Variants in CARD10 observed in about 807,000 individuals in gnomAD.
CARD10 encodes caspase recruitment domain-containing protein 10.
Under a neutral mutation model 114.6 loss-of-function variants are expected in CARD10, and 49 were observed. The ratio of observed to expected loss-of-function variants is 0.43; its 90% confidence interval spans 0.34 to 0.54. CARD10 has a LOEUF of 0.54. Among genes scored for constraint, CARD10 ranks in the 20% least tolerant of loss-of-function variants. The pLI, the probability that CARD10 is intolerant of heterozygous loss-of-function variation, is 0.03. For synonymous variants in CARD10, 602 were observed against 593.2 expected, an observed-to-expected ratio of 1.01 and a Z score of -0.21; for missense variants, 1,206 against 1,397.2, an observed-to-expected ratio of 0.86 and a Z score of 2.18.
intron 3 of CARD10, chr22:37,510,693 C>T: frequency 2.2e-6 from 1 of 464,470 alleles, no homozygotes; most frequent in Non-Finnish European, 3.9e-6. Context: ...TGCTGCATCA[C>T]GACACGCTGT....
intron 7 of CARD10, 123 bp downstream of exon 7, chr22:37,506,069 C>G: frequency 1.4e-6 from 1 of 735,844 alleles, no homozygotes; most frequent in Non-Finnish European, 2.0e-6. Flanking sequence ...TTCCCACTTC[C>G]CCCAAGCTTC....
intron 2 of CARD10, 63 bp downstream of exon 2, chr22:37,517,908 G>A: frequency 6.3e-7 from 1 of 1,579,664 alleles, no homozygotes; most frequent in Non-Finnish European, 8.6e-7. Flanking sequence ...CCCTAACAGG[G>A]ATGGGGAAAG....
At position 37,510,410 on chromosome 22, in the gene CARD10, G is replaced by C. The variant is rs118054868; in HGVS notation, c.711C>G (p.Leu237=). 6.2e-7 allele frequency: 1 copy of C among 1,613,642 alleles called. No homozygotes were observed. The highest frequency in any genetic ancestry group is 8.5e-7 in the Non-Finnish European group (1 of 1,179,976). The change falls in exon 4 of 20, where the codon CTC becomes CTG. Residue 237 remains leucine (L), a synonymous_variant. Coordinates refer to ENST00000251973, the MANE Select transcript of CARD10 (RefSeq NM_014550.4). ...SRDLQLAVDQ[L]KLKVSRLEEE... ...CCTCCAGCCGACTCACTTTGAGCTT[G>C]AGCTGATCCACCTGGAGCCCAAGAC...
chr22:37,516,074 G>C lies in CARD10; in HGVS notation c.598C>G (p.Leu200Val). 1.3e-6 allele frequency: 2 copies of C among 1,597,290 alleles called. No homozygotes were observed. Among genetic ancestry groups the C allele is most frequent in the Middle Eastern group, 1.8e-4 (1 of 5,434 alleles). Residue 200 changes from leucine to valine, a missense_variant, in exon 3 of 20, where the codon CTG (leucine) becomes GTG (valine). Transcript: ENST00000251973. ...EDWEAGSLEL[L>V]RLKDENYMIA... ...ATGTAGTTCTCATCCTTGAGCCGCA[G>C]CAGCTCCAGGCTGCCCGCCTCCCAG...
chr22:37,518,819 GT>G, intron 1 of CARD10, 146 bp downstream of exon 1: 1 of 967,770 alleles, frequency 1.0e-6, no homozygotes, highest in Non-Finnish European at 1.5e-6. Flanking sequence ...AGGCAGGCTG[GT>G]GGGCATACCC....
chr22:37,494,001 C>A (rs553872363), intron 16 of CARD10, 85 bp downstream of exon 16: 2 of 1,043,804 alleles, frequency 1.9e-6, no homozygotes, highest in African/African-American at 1.6e-5. Flanking sequence ...GCCAAAGAGG[C>A]CACCCAAGCT....
intron 3 of CARD10, chr22:37,512,319 G>A (rs1923680096): frequency 6.6e-6 from 1 of 152,272 alleles, no homozygotes; most frequent in Non-Finnish European, 1.5e-5. Context: ...GCCATAAAAT[G>A]AAGTCATTGT....
chr22:37,509,052 C>A, intron 4 of CARD10: 1 of 1,549,890 alleles, frequency 6.5e-7, no homozygotes. Flanking sequence ...CCTACTCCCA[C>A]CCCCATGACT....
intron 6 of CARD10, 104 bp downstream of exon 6, chr22:37,507,725 T>A: frequency 7.0e-7 from 1 of 1,420,538 alleles, no homozygotes; most frequent in Non-Finnish European, 9.8e-7. Flanking sequence ...AGGGAGCGGC[T>A]AACGTCTCTT....
At position 37,515,973 on chromosome 22, in the gene CARD10, C is replaced by T. The variant is rs758075254; in HGVS notation, c.699G>A (p.Ala233=). Reference sequence around the variant, plus strand: ...CCCGACCCATCTCCCCAGGGCCTACCGCCAGCTGCAGGTCACGGCTGCGAA... The same window carrying T: ...CCCGACCCATCTCCCCAGGGCCTACTGCCAGCTGCAGGTCACGGCTGCGAA... ...AVLRSRDLQL[A]VDQLKLKVSR... The change falls in exon 3 of 20, where the codon GCG becomes GCA. Residue 233 remains alanine (A), a splice_region_variant and synonymous_variant. Coordinates refer to ENST00000251973, the MANE Select transcript of CARD10 (RefSeq NM_014550.4). 1.3e-5 allele frequency: 20 copies of T among 1,570,338 alleles called. No individual in the cohort carries two copies. Among genetic ancestry groups the T allele is most frequent in the Admixed American group, 7.1e-5 (4 of 56,078 alleles).
At chr22:37,494,388 G>A in intron 15 of CARD10, 200 bp from the exon 16 acceptor site, 1 of 589,180 alleles carries the variant, frequency 1.7e-6, no homozygotes, top group Non-Finnish European at 3.0e-6. Context: ...CCCCCAGGCA[G>A]ATGAGAGCAG....
chr22:37,505,573 G>C (rs1923376247), intron 7 of CARD10, among the ~76,000 whole-genome samples: 1 of 151,836 alleles, frequency 6.6e-6, no homozygotes, highest in Non-Finnish European at 1.5e-5. Flanking sequence ...CTACTAGGGA[G>C]GCTAAGGCAC....
rs752951983 is a variant in CARD10 at position 37,510,208 on chromosome 22, G to C, written c.909+4C>G. ...CCTGTGCCCACAAGCCCTGGCCCTG[G>C]TACCTGCTGCAGGCCCTCCTGCAAC... is the stretch of plus-strand genomic sequence containing the variant. On this transcript the variant is annotated splice_donor_region_variant and intron_variant, in intron 4 of 19. Coordinates refer to ENST00000251973, the MANE Select transcript of CARD10 (RefSeq NM_014550.4). 11 of 1,599,212 alleles carry C rather than the reference G, an allele frequency of 6.9e-6. No individual in the cohort carries two copies. Among genetic ancestry groups the C allele is most frequent in the Non-Finnish European group, 8.5e-6 (10 of 1,179,610 alleles).
intron 14 of CARD10, 22 bp from the exon 15 acceptor site, chr22:37,495,608 T>C (rs762415638): frequency 8.1e-6 from 13 of 1,613,050 alleles, no homozygotes; most frequent in African/African-American, 8.0e-5. Flanking sequence ...AGTGACATCA[T>C]GTGTGTAGAA....
At chr22:37,507,145 G>A (rs1332287301) in intron 6 of CARD10, among the ~76,000 whole-genome samples, 1 of 152,140 alleles carries the variant, frequency 6.6e-6, no homozygotes, top group Non-Finnish European at 1.5e-5. Context: ...CAGGAATGGT[G>A]GCATGCCTGT....
At chr22:37,514,388 A>G (rs8140025) in intron 3 of CARD10, among the ~76,000 whole-genome samples, 82,821 of 151,928 alleles carry the variant, frequency 0.55, 25,505 homozygotes, top group African/African-American at 0.85. Flanking sequence ...ATGGTTTTTC[A>G]CAGTAGAGCA....
intron 3 of CARD10, 43 bp from the exon 4 acceptor site, chr22:37,510,464 G>A: frequency 6.3e-7 from 1 of 1,579,558 alleles, no homozygotes; most frequent in Non-Finnish European, 8.7e-7. Context: ...AGACACACTG[G>A]GAGCCACGGG....
In CARD10 at chr22:37,492,883, C is replaced by T. The variant is rs1922858079; in HGVS notation, c.2477-81G>A. On this transcript the variant is annotated intron_variant, in intron 16 of 19. Transcript: ENST00000251973. The surrounding 1 kb of genome is among the most constrained non-coding windows in gnomAD (Gnocchi z 5.7). Reference sequence around the variant, plus strand: ...CTCGTCGATACCCCAAAACCCACCCCGCCACCCATCCCTTCCTAAGTCCTG... The same window carrying T: ...CTCGTCGATACCCCAAAACCCACCCTGCCACCCATCCCTTCCTAAGTCCTG... 2 of 1,430,652 alleles carry T rather than the reference C, an allele frequency of 1.4e-6. No homozygotes were observed. Among genetic ancestry groups the T allele is most frequent in the Non-Finnish European group, 1.9e-6 (2 of 1,059,044 alleles). The allele number at this position is 1,430,652 out of a possible 1,614,324, so 88.6% of individuals were successfully genotyped here.
intron 11 of CARD10, 79 bp from the exon 12 acceptor site, chr22:37,497,257 T>C (rs1165739635): frequency 1.4e-6 from 2 of 1,449,032 alleles, no homozygotes; most frequent in Non-Finnish European, 9.4e-7. Context: ...AAAACCACAG[T>C]GATTTCATTT....
Sources: allele counts gnomAD v4.1 joint callset (sites outside exome capture counted in the v4.1 genomes callset), GRCh38; gene constraint gnomAD v4.1.1; non-coding constraint Gnocchi (gnomAD v3.1); transcripts MANE v1.5; gene names NCBI Gene and HGNC (gene_info 2026-07-23, HGNC 2026-07-21).